NOVA1: variants seen among roughly 807,000 people sequenced by gnomAD.
The protein encoded by NOVA1 is RNA-binding protein Nova-1.
NOVA1 carries 7 observed loss-of-function variants against 38.0 expected under a neutral mutation model. The ratio of observed to expected loss-of-function variants is 0.18; its 90% CI spans 0.10 to 0.35. The LOEUF is 0.35. NOVA1 is among the 10% of genes least tolerant of loss of function. The pLI, the probability that NOVA1 is intolerant of heterozygous loss-of-function variation, is 1.00. For synonymous variants in NOVA1, 270 were observed against 232.5 expected (o/e 1.16, Z -1.47); for missense variants, 460 against 616.0 (o/e 0.75, Z 2.68).
chr14:26,471,858 T>C (rs1884613055), intron 4 of NOVA1: 1 of 163,936 alleles, frequency 6.1e-6, no homozygotes, highest in South Asian at 2.0e-4. Context: ...TCATCAATAG[T>C]TGAAAGTTGT....
chr14:26,524,271 C>T (rs1396333914), intron 2 of NOVA1, among the ~76,000 whole-genome samples: 3 of 152,008 alleles, frequency 2.0e-5, no homozygotes, highest in African/African-American at 4.8e-5. Context: ...CTGGTGCCTG[C>T]GGGATCAAAT....
At chr14:26,586,648 A>G (rs977092745) in intron 2 of NOVA1, among the ~76,000 whole-genome samples, 21 of 151,156 alleles carry the variant, frequency 1.4e-4, no homozygotes, top group Admixed American at 3.3e-4. Flanking sequence ...AAAGCAAGAA[A>G]GAAAAAAAGT....
At chr14:26,483,649 G>A (rs1885638921) in intron 2 of NOVA1, among the ~76,000 whole-genome samples, 1 of 152,142 alleles carries the variant, frequency 6.6e-6, no homozygotes, top group Non-Finnish European at 1.5e-5. Context: ...AACCAATTAT[G>A]ATGTACCTAA....
intron 2 of NOVA1, among the ~76,000 whole-genome samples, chr14:26,510,116 AC>A (rs1887957684): frequency 3.2e-5 from 1 of 31,674 alleles, no homozygotes; most frequent in Non-Finnish European, 2.4e-4. Context: ...AGAAATACTC[AC>A]TGAAAGAAGA....
chr14:26,523,185 C>T (rs1889028910), intron 2 of NOVA1, among the ~76,000 whole-genome samples: 1 of 152,194 alleles, frequency 6.6e-6, no homozygotes, highest in African/African-American at 2.4e-5. Flanking sequence ...CTCAGAAACT[C>T]ACTGTGGTTG....
intron 4 of NOVA1, among the ~76,000 whole-genome samples, chr14:26,454,424 C>T (rs1486634925): frequency 1.3e-5 from 2 of 152,090 alleles, no homozygotes; most frequent in Non-Finnish European, 2.9e-5. Context: ...TAGTAGAACA[C>T]CAGCCTGGCA....
At chr14:26,450,132 G>A (rs1364419428) in intron 4 of NOVA1, among the ~76,000 whole-genome samples, 1 of 152,010 alleles carries the variant, frequency 6.6e-6, no homozygotes, top group African/African-American at 2.4e-5. Flanking sequence ...CATTAAAATG[G>A]GCAGGCTAAA....
chr14:26,496,383 CTGGATAT>C (rs1886784859), intron 2 of NOVA1, among the ~76,000 whole-genome samples: 1 of 151,994 alleles, frequency 6.6e-6, no homozygotes, highest in Admixed American at 6.6e-5. Flanking sequence ...ATTATAGATT[CTGGATAT>C]TAGCCCTTTG....
intron 2 of NOVA1, among the ~76,000 whole-genome samples, chr14:26,541,890 T>C (rs1413858830): frequency 2.0e-5 from 3 of 151,756 alleles, no homozygotes; most frequent in Non-Finnish European, 4.4e-5. Context: ...GAAGTATGAC[T>C]GCACACAAGT....
At chr14:26,552,149 C>A (rs1266517661) in intron 2 of NOVA1, among the ~76,000 whole-genome samples, 1 of 151,948 alleles carries the variant, frequency 6.6e-6, no homozygotes, top group Non-Finnish European at 1.5e-5. Flanking sequence ...AATGTATTCA[C>A]ACAGTGAAAA....
intron 2 of NOVA1, among the ~76,000 whole-genome samples, chr14:26,541,315 C>T (rs530396257): frequency 6.6e-6 from 1 of 151,726 alleles, no homozygotes; most frequent in African/African-American, 2.4e-5. Flanking sequence ...GGAACACAAT[C>T]CAGGATTAGT....
At chr14:26,583,289 A>C (rs59001756) in intron 2 of NOVA1, among the ~76,000 whole-genome samples, 4,043 of 151,768 alleles carry the variant, frequency 0.027, 173 homozygotes, top group African/African-American at 0.093. Flanking sequence ...ACCTGCAAAA[A>C]AACATGTATG....
chr14:26,470,372 T>A, intron 4 of NOVA1: 1 of 1,504,568 alleles, frequency 6.6e-7, no homozygotes, highest in Non-Finnish European at 9.1e-7. Flanking sequence ...GGGGAGAAAA[T>A]AATTACAAAG....
At chr14:26,470,207 A>C in intron 4 of NOVA1, 1 of 1,027,060 alleles carries the variant, frequency 9.7e-7, no homozygotes, top group South Asian at 2.2e-5. Flanking sequence ...GATCATATTA[A>C]AACCTATTTT....
chr14:26,494,627 T>C (rs1886616967), intron 2 of NOVA1, among the ~76,000 whole-genome samples: 1 of 152,194 alleles, frequency 6.6e-6, no homozygotes, highest in Non-Finnish European at 1.5e-5. Flanking sequence ...TGGAAATAGT[T>C]TCCTCTTCTG....
chr14:26,478,085 T>C (rs1269750903), intron 3 of NOVA1, among the ~76,000 whole-genome samples: 4 of 151,836 alleles, frequency 2.6e-5, no homozygotes, highest in African/African-American at 9.7e-5. Context: ...CAAAAGTCAA[T>C]AAATCACTAT....
At chr14:26,586,658 T>C (rs1893531461) in intron 2 of NOVA1, among the ~76,000 whole-genome samples, 2 of 150,902 alleles carry the variant, frequency 1.3e-5, no homozygotes, top group Admixed American at 1.3e-4. Context: ...AGAAAAAAAG[T>C]ACAAATGAAG....
At chr14:26,564,929 A>G (rs1399088691) in intron 2 of NOVA1, among the ~76,000 whole-genome samples, 1 of 152,210 alleles carries the variant, frequency 6.6e-6, no homozygotes, top group Admixed American at 6.5e-5. Context: ...TGTATCACAC[A>G]TATACCTAAC....
At chr14:26,508,896 T>C (rs1887845493) in intron 2 of NOVA1, among the ~76,000 whole-genome samples, 1 of 151,614 alleles carries the variant, frequency 6.6e-6, no homozygotes, top group South Asian at 2.1e-4. Flanking sequence ...TTTAAATATA[T>C]GAAAGATGAA....
Sources: allele counts gnomAD v4.1 joint callset (sites outside exome capture counted in the v4.1 genomes callset), GRCh38; gene constraint gnomAD v4.1.1; transcripts MANE v1.5; gene names NCBI Gene and HGNC (gene_info 2026-07-23, HGNC 2026-07-21).